Variants in PACSIN2 observed in about 807,000 individuals in gnomAD.
PACSIN2 encodes the protein protein kinase C and casein kinase substrate in neurons protein 2.
PACSIN2 carries 25 observed loss-of-function variants against 63.8 expected under a neutral mutation model. That is an observed-to-expected ratio of 0.39 (90% CI 0.29 to 0.55). PACSIN2 has a LOEUF of 0.55. Among genes scored for constraint, PACSIN2 ranks in the 20% least tolerant of loss-of-function variants. The pLI is 0.62. For missense variants in PACSIN2, 518 were observed against 646.9 expected (o/e 0.80, Z 2.16); for synonymous variants, 255 against 256.2 (o/e 1.00, Z 0.05).
At chr22:42,961,729 C>A (rs1211565841) in intron 1 of PACSIN2, among the ~76,000 whole-genome samples, 1 of 152,022 alleles carries the variant, frequency 6.6e-6, no homozygotes. Context: ...GCTGAGATCA[C>A]GTCACTGCAC....
chr22:42,967,125 G>A (rs1380698004), intron 1 of PACSIN2, among the ~76,000 whole-genome samples: 1 of 152,094 alleles, frequency 6.6e-6, no homozygotes, highest in Non-Finnish European at 1.5e-5. Context: ...AACTAGGCAG[G>A]GAATGTGGAA....
At chr22:42,923,829 G>T (rs971331609) in intron 1 of PACSIN2, among the ~76,000 whole-genome samples, 10 of 152,048 alleles carry the variant, frequency 6.6e-5, no homozygotes, top group Admixed American at 1.3e-4. Context: ...TTGAAGCCAG[G>T]AATTCAAGAC....
intron 1 of PACSIN2, among the ~76,000 whole-genome samples, chr22:42,982,854 C>T (rs1380205823): frequency 1.4e-5 from 1 of 71,340 alleles, no homozygotes; most frequent in Non-Finnish European, 3.0e-5. Flanking sequence ...GCGAGAAACA[C>T]CAAAGAATGA....
chr22:42,984,593 C>A (rs540347874), intron 1 of PACSIN2, among the ~76,000 whole-genome samples: 25 of 152,316 alleles, frequency 1.6e-4, no homozygotes, highest in African/African-American at 6.0e-4. Context: ...ACAACACCTG[C>A]TGCAAAGGTT....
rs1040430 is a variant in PACSIN2, at chr22:42,985,502, T to C, written c.-78+29519A>G. On this transcript the variant is annotated intron_variant, in intron 1 of 10. Coordinates refer to ENST00000263246, the MANE Select transcript of PACSIN2 (RefSeq NM_001184970.3). ...TTCTCTCCACATGCAGGCCCAGGTC[T>C]AGGTCCAGGAGTGTCACCTTTACAG... Among the ~76,000 whole-genome samples the C allele has an allele frequency of 5.9e-3, 901 of 152,348 alleles. 9 individuals carry two copies. Among genetic ancestry groups the C allele is most frequent in the African/African-American group, 0.021 (854 of 41,586 alleles).
At position 42,891,193 on chromosome 22, in the gene PACSIN2, G is replaced by C. The variant is rs993476712; in HGVS notation, c.218-11C>G. Reference sequence around the variant, plus strand: ...TCCCGTACTGGGGCCCTGTGCAGGGGAGAGAAGCTGCGGGTCACTCAGCGC... The same window carrying C: ...TCCCGTACTGGGGCCCTGTGCAGGGCAGAGAAGCTGCGGGTCACTCAGCGC... On this transcript the variant is annotated splice_polypyrimidine_tract_variant and intron_variant, in intron 3 of 10. Transcript: ENST00000263246. 1 of 1,596,726 alleles carries C rather than the reference G, an allele frequency of 6.3e-7. No individual in the cohort carries two copies. The highest frequency in any genetic ancestry group is 8.6e-7 in the Non-Finnish European group (1 of 1,165,938).
At chr22:42,914,103 A>C (rs994592250) in intron 1 of PACSIN2, among the ~76,000 whole-genome samples, 1 of 152,102 alleles carries the variant, frequency 6.6e-6, no homozygotes, top group Non-Finnish European at 1.5e-5. Context: ...CATGGAGAGA[A>C]CTCCAGTGAG....
chr22:42,935,473 A>G (rs990045581), intron 1 of PACSIN2, among the ~76,000 whole-genome samples: 7 of 152,134 alleles, frequency 4.6e-5, no homozygotes, highest in African/African-American at 1.7e-4. Context: ...GAGCACCAAA[A>G]AACTTGTTTC....
chr22:42,976,556 C>T (rs1001246777), intron 1 of PACSIN2, among the ~76,000 whole-genome samples: 1 of 152,150 alleles, frequency 6.6e-6, no homozygotes, highest in Non-Finnish European at 1.5e-5. Context: ...GGTGTTGGCA[C>T]CTATTTCTGT....
At chr22:42,963,033 C>T (rs1173426636) in intron 1 of PACSIN2, among the ~76,000 whole-genome samples, 1 of 152,234 alleles carries the variant, frequency 6.6e-6, no homozygotes, top group African/African-American at 2.4e-5. Flanking sequence ...AGAAACCGCT[C>T]AGGGAAGCTC....
At position 42,871,452 on chromosome 22, in the gene PACSIN2, T is replaced by C; in HGVS notation, c.1366A>G (p.Met456Val). The C allele has an allele frequency of 1.2e-6, 2 of 1,613,986 alleles. No homozygotes were observed. Among genetic ancestry groups the C allele is most frequent in the East Asian group, 2.2e-5 (1 of 44,880 alleles). The part of the protein sequence containing the change: ...SFKAGDELTK[M>V]EDEDEQGWCK... ...CAGCCCTGCTCATCCTCGTCCTCCA[T>C]CTTGGTCAGCTCATCCCCTGCAAGA... The change falls in exon 11 of 11, where the codon ATG becomes GTG. Residue 456 changes from methionine (M) to valine (V), a missense_variant. Coordinates refer to ENST00000263246, the MANE Select transcript of PACSIN2 (RefSeq NM_001184970.3). This position sits in a 1 kb window ranked among gnomAD's most constrained non-coding sequence, Gnocchi z 5.4.
At position 42,962,775 on chromosome 22, in the gene PACSIN2, C is replaced by CGGGGCGGG. The variant is rs756766401; in HGVS notation, c.-77-50619_-77-50618insCCCGCCCC. On this transcript the variant is annotated intron_variant, in intron 1 of 10. Coordinates refer to ENST00000263246, the MANE Select transcript of PACSIN2 (RefSeq NM_001184970.3). ...CCCAGTCACAAGAGCAAGGTGTGGG[C>CGGGGCGGG]GGGGGGGGGGGGCGGCGCAGAAAAA... Among the ~76,000 whole-genome samples, 72 of 16,406 alleles carry CGGGGCGGG rather than the reference C, an allele frequency of 4.4e-3. 8 individuals are homozygous for CGGGGCGGG. The highest frequency in any genetic ancestry group is 0.012 in the East Asian group (10 of 848). The allele number at this position is 16,406 out of a possible 152,430, so 10.8% of individuals were successfully genotyped here. A position where few individuals can be genotyped will look rare whatever the true frequency, so the allele number is the denominator to read the frequency against.
At chr22:42,962,778 G>GGCGGGGC (rs71186552) in intron 1 of PACSIN2, among the ~76,000 whole-genome samples, 35,671 of 116,378 alleles carry the variant, frequency 0.31, 7,505 homozygotes, top group South Asian at 0.42. Context: ...GTGTGGGCGG[G>GGCGGGGC]GGGGGGGGGC....
At chr22:43,007,878 C>T (rs953552410) in intron 1 of PACSIN2, among the ~76,000 whole-genome samples, 1 of 152,192 alleles carries the variant, frequency 6.6e-6, no homozygotes, top group East Asian at 1.9e-4. Context: ...CTGTTGCCTT[C>T]CACCCACAGA....
intron 1 of PACSIN2, among the ~76,000 whole-genome samples, chr22:42,975,099 C>A (rs1601595085): frequency 1.3e-5 from 2 of 152,298 alleles, no homozygotes; most frequent in South Asian, 4.1e-4. Context: ...GCATTTTGGT[C>A]TTGTTCTGAC....
At chr22:42,981,355 G>A (rs1260821272) in intron 1 of PACSIN2, among the ~76,000 whole-genome samples, 1 of 144,570 alleles carries the variant, frequency 6.9e-6, no homozygotes, top group Admixed American at 6.7e-5. Context: ...AGGGAGGTGG[G>A]GGGGGTCAGC....
chr22:42,954,659 G>A (rs925635951), intron 1 of PACSIN2, among the ~76,000 whole-genome samples: 2 of 152,186 alleles, frequency 1.3e-5, no homozygotes, highest in East Asian at 1.9e-4. Flanking sequence ...CAGTCACGTG[G>A]TTAGTGGCTA....
chr22:42,994,117 G>A (rs1405518934), intron 1 of PACSIN2, among the ~76,000 whole-genome samples: 1 of 152,140 alleles, frequency 6.6e-6, no homozygotes, highest in Non-Finnish European at 1.5e-5. Context: ...CTGATATTGC[G>A]CCAGAATGCT....
At position 42,881,994 on chromosome 22, in the gene PACSIN2, C is replaced by T. The variant is rs1316273596; in HGVS notation, c.906+190G>A. On this transcript the variant is annotated intron_variant, in intron 7 of 10. Transcript: ENST00000263246. The stretch of plus-strand genomic sequence containing the variant: ...CTTCAGGAGAGGTTCAGAAGGCCTT[C>T]GGTAATGCCTGCAGCCCCCCAGGAC... Among the ~76,000 whole-genome samples, 5 of 152,240 alleles carry T rather than the reference C, an allele frequency of 3.3e-5. No individual in the cohort carries two copies. In the East Asian group the frequency reaches 5.8e-4, roughly 18 times the overall value.
Sources: allele counts gnomAD v4.1 joint callset (sites outside exome capture counted in the v4.1 genomes callset), GRCh38; gene constraint gnomAD v4.1.1; non-coding constraint Gnocchi (gnomAD v3.1); transcripts MANE v1.5; gene names NCBI Gene and HGNC (gene_info 2026-07-23, HGNC 2026-07-21).